CLASP2: variants seen among roughly 807,000 people sequenced by gnomAD.
CLASP2 encodes the protein cytoplasmic linker associated protein 2, also known as CLIP-associating protein 2.
In CLASP2, 47 loss-of-function variants were observed where a neutral mutation model predicts 194.4. The observed-to-expected ratio is 0.24, with a 90% CI of 0.19 to 0.31. The LOEUF is 0.31. Among genes scored for constraint, CLASP2 ranks in the 10% least tolerant of loss-of-function variants. CLASP2 has a pLI of 1.00. For missense variants in CLASP2, 1,445 were observed against 1,823.6 expected (o/e 0.79, Z 3.78); for synonymous variants, 619 against 633.5 (o/e 0.98, Z 0.34).
chr3:33,609,232 A>T (rs1041187715), intron 13 of CLASP2, among the ~76,000 whole-genome samples: 1 of 152,124 alleles, frequency 6.6e-6, no homozygotes, highest in Non-Finnish European at 1.5e-5. Context: ...GTGAGCCGAG[A>T]TCCTGCCACT....
At chr3:33,616,442 A>C (rs913388055) in intron 12 of CLASP2, among the ~76,000 whole-genome samples, 1 of 152,104 alleles carries the variant, frequency 6.6e-6, no homozygotes, top group African/African-American at 2.4e-5. Context: ...TAGCCAACCG[A>C]ATCTAGCAGT....
intron 8 of CLASP2, among the ~76,000 whole-genome samples, chr3:33,642,231 T>C (rs2081435583): frequency 6.6e-6 from 1 of 151,912 alleles, no homozygotes; most frequent in Non-Finnish European, 1.5e-5. Flanking sequence ...TCATTGCAGA[T>C]GTGCTGAAAG....
chr3:33,692,204 A>G (rs2091430099), intron 2 of CLASP2, among the ~76,000 whole-genome samples: 1 of 152,064 alleles, frequency 6.6e-6, no homozygotes, highest in African/African-American at 2.4e-5. Flanking sequence ...ATATCTATAC[A>G]ATGTGTGATC....
rs1038285602 is a variant in CLASP2 at position 33,557,334 on chromosome 3, A to C, written c.3009+1973T>G. Reference sequence around the variant, plus strand: ...TTGCACTGGTTCATGAAACATCTCTATATATATTATCTACTTTTTTCTTTC... The same window carrying C: ...TTGCACTGGTTCATGAAACATCTCTCTATATATTATCTACTTTTTTCTTTC... On this transcript the variant is annotated intron_variant, in intron 29 of 38. Coordinates refer to ENST00000682230, the MANE Select transcript of CLASP2 (RefSeq NM_001365631.1). Among the ~76,000 whole-genome samples the C allele has an allele frequency of 7.3e-5, 11 of 151,498 alleles. No homozygotes were observed. The East Asian group carries it at 7.8e-4, about 11-fold the overall frequency.
At chr3:33,503,925 C>T (rs2047448815) in intron 37 of CLASP2, 1 of 152,192 alleles carries the variant, frequency 6.6e-6, no homozygotes, top group Admixed American at 6.5e-5. Flanking sequence ...TCCGTAATTA[C>T]TAATGACACC....
intron 12 of CLASP2, among the ~76,000 whole-genome samples, chr3:33,615,878 A>C (rs959218863): frequency 2.0e-5 from 3 of 152,176 alleles, no homozygotes; most frequent in Admixed American, 2.0e-4. Flanking sequence ...ATTACAAATG[A>C]TTGAAAACAT....
Position 33,517,191 on chromosome 3 carries a change from G to GT in CLASP2, c.3788-18dup. 3 of 1,591,020 alleles carry GT rather than the reference G, an allele frequency of 1.9e-6. No homozygotes were observed. In the African/African-American group the frequency reaches 4.1e-5, roughly 22 times the overall value. ...GGGAAAGATCTGTCAAAAGGACATG[G>GT]TATTAGTTCTATAACTTTATAGGGT... On this transcript the variant is annotated splice_polypyrimidine_tract_variant and intron_variant, in intron 34 of 38. Coordinates refer to ENST00000682230, the MANE Select transcript of CLASP2 (RefSeq NM_001365631.1).
rs1192668669 is a variant in CLASP2 at position 33,612,033 on chromosome 3, G to A, written c.1356C>T (p.Ser452=). 3 of 1,610,780 alleles carry A rather than the reference G, an allele frequency of 1.9e-6. No individual in the cohort carries two copies. Among genetic ancestry groups the A allele is most frequent in the Admixed American group, 1.7e-5 (1 of 59,770 alleles). The change falls in exon 13 of 39, where the codon AGC becomes AGT. Residue 452 remains serine (S), a synonymous_variant. Transcript: ENST00000682230. ...CGGGAACTGATTTTGATGTGCAATT[G>A]CTTGTTATTAAAGGTATAAGTCTGG... ...HVPRLIPLIT[S]NCTSKSVPVR... is the part of the protein sequence containing the mutation.
chr3:33,658,281 G>C (rs948600484), intron 7 of CLASP2, among the ~76,000 whole-genome samples: 16 of 152,118 alleles, frequency 1.1e-4, no homozygotes, highest in Admixed American at 9.2e-4. Flanking sequence ...TCACAGAGTT[G>C]TTCACACCTG....
At chr3:33,588,684 A>G in intron 21 of CLASP2, 1 of 702,196 alleles carries the variant, frequency 1.4e-6, no homozygotes, top group South Asian at 1.5e-5. Context: ...AGATGCACAC[A>G]TAAAGTCTAT....
chr3:33,622,101 T>C (rs768451696), intron 11 of CLASP2, 34 bp downstream of exon 11: 10 of 1,480,172 alleles, frequency 6.8e-6, no homozygotes, highest in Admixed American at 2.4e-5. Context: ...AATTCATTCA[T>C]AAAAAACACT....
chr3:33,603,077 C>T lies in CLASP2; in HGVS notation c.1799G>A (p.Arg600His), dbSNP rs2072734440. ...ATTCACATCAATGTCACTTCGTGAA[C>T]GCTGCAGGCTTCCTGGAAGGGAACT... is the stretch of plus-strand genomic sequence containing the variant. Reference protein sequence around the residue: ...KASSLPGSLQRSRSDIDVNAA... With the variant: ...KASSLPGSLQHSRSDIDVNAA... Residue 600 changes from arginine (R) to histidine (H), a missense_variant, in exon 18 of 39, where the codon CGT (arginine) becomes CAT (histidine). Coordinates refer to ENST00000682230, the MANE Select transcript of CLASP2 (RefSeq NM_001365631.1). The T allele has an allele frequency of 3.8e-6, 6 of 1,594,918 alleles. No homozygotes were observed. The highest frequency in any genetic ancestry group is 1.3e-5 in the African/African-American group (1 of 74,736).
intron 33 of CLASP2, among the ~76,000 whole-genome samples, chr3:33,537,698 A>C (rs2057623145): frequency 6.6e-6 from 1 of 152,200 alleles, no homozygotes; most frequent in African/African-American, 2.4e-5. Context: ...TTACTTGCAT[A>C]CAAGAGAAAT....
intron 1 of CLASP2, among the ~76,000 whole-genome samples, chr3:33,704,683 G>A (rs944103693): frequency 5.9e-5 from 9 of 152,094 alleles, no homozygotes; most frequent in Admixed American, 2.0e-4. Context: ...AACCTGGGAG[G>A]TGGAGGTTGC....
At chr3:33,587,403 C>T (rs1448212073) in intron 21 of CLASP2, among the ~76,000 whole-genome samples, 1 of 152,114 alleles carries the variant, frequency 6.6e-6, no homozygotes, top group Non-Finnish European at 1.5e-5. Context: ...GGATTACAGG[C>T]GTGAGCCACC....
intron 26 of CLASP2, among the ~76,000 whole-genome samples, chr3:33,567,762 A>G (rs1307143855): frequency 6.6e-6 from 1 of 152,198 alleles, no homozygotes; most frequent in African/African-American, 2.4e-5. Flanking sequence ...GAACCCAAGC[A>G]ATCTAGCTCC....
intron 13 of CLASP2, 118 bp from the exon 14 acceptor site, chr3:33,608,744 CT>C (rs766687478): frequency 0.16 from 25,864 of 159,552 alleles, 163 homozygotes; most frequent in East Asian, 0.21. Flanking sequence ...TTTTAGATAT[CT>C]TTTTTTTTTT....
At chr3:33,524,996 G>T (rs947798645) in intron 34 of CLASP2, among the ~76,000 whole-genome samples, 3 of 152,132 alleles carry the variant, frequency 2.0e-5, no homozygotes, top group Admixed American at 1.3e-4. Context: ...GTGCACACAG[G>T]ACATTTTCCA....
At chr3:33,551,426 G>A in intron 29 of CLASP2, 31 bp from the exon 30 acceptor site, 1 of 1,599,972 alleles carries the variant, frequency 6.3e-7, no homozygotes, top group African/African-American at 1.3e-5. Flanking sequence ...AGAAAGGACA[G>A]AAAGATGGTT....
Sources: gnomAD v4.1 joint callset for allele counts (sites outside exome capture counted in the v4.1 genomes callset) on GRCh38, gnomAD v4.1.1 for gene constraint, MANE v1.5 for transcripts, NCBI Gene and HGNC (gene_info 2026-07-23, HGNC 2026-07-21) for gene names.